Variants in ASPRV1 observed in about 807,000 individuals in gnomAD.
The protein encoded by ASPRV1 is retroviral-like aspartic protease 1.
In ASPRV1, 7 loss-of-function variants were observed where a neutral mutation model predicts 11.0. The ratio of observed to expected loss-of-function variants is 0.64; its 90% confidence interval spans 0.36 to 1.20. The LOEUF is 1.20. Among genes scored for constraint, ASPRV1 ranks in the 50% most tolerant of loss-of-function variants. The probability of loss-of-function intolerance (pLI) is 0.02; values close to 1 mark genes in which losing one functional copy is unlikely to be tolerated. For missense variants in ASPRV1, 299 were observed against 320.0 expected (o/e 0.93, Z 0.50); for synonymous variants, 136 against 138.4 (o/e 0.98, Z 0.12).
At chr2:70,030,057 T>A in the ASPRV1 span, 1 of 152,188 alleles carries the variant, frequency 6.6e-6, no homozygotes, top group Non-Finnish European at 1.5e-5. Context: ...ATTGCTGACT[T>A]GAAAAACTAT....
chr2:70,046,252 A>T, the ASPRV1 span: 8 of 152,210 alleles, frequency 5.3e-5, no homozygotes, highest in Non-Finnish European at 1.2e-4. Flanking sequence ...TTTGGACTCA[A>T]GCAACAGGAT....
In ASPRV1 at chr2:69,960,241, C is replaced by G. The variant is rs1031927558; in HGVS notation, c.*416G>C. On this transcript the variant is annotated 3_prime_UTR_variant, in exon 1 of 1. Coordinates refer to ENST00000320256, the MANE Select transcript of ASPRV1 (RefSeq NM_152792.4). ...TGTCCCAGAGCAACTGTGACCCTCA[C>G]AAAGACCCTGCAGCTAGGACCCAGC... The G allele has an allele frequency of 1.1e-5, 2 of 180,888 alleles. No individual in the cohort carries two copies. The highest frequency in any genetic ancestry group is 1.4e-4 in the East Asian group (1 of 7,068). The allele number at this position is 180,888 out of a possible 1,614,324, so 11.2% of individuals were successfully genotyped here.
chr2:69,961,782 C>T, upstream of ASPRV1: 1 of 1,368,386 alleles, frequency 7.3e-7, no homozygotes. Context: ...CCTCTGCATC[C>T]ATCCTTGGAC....
chr2:70,019,687 C>T, the ASPRV1 span, among the ~76,000 whole-genome samples: 1 of 152,100 alleles, frequency 6.6e-6, no homozygotes, highest in African/African-American at 2.4e-5. Flanking sequence ...CACATGACCT[C>T]ACTTATATAT....
the ASPRV1 span, among the ~76,000 whole-genome samples, chr2:70,001,089 G>A: frequency 6.6e-6 from 1 of 151,870 alleles, no homozygotes; most frequent in Non-Finnish European, 1.5e-5. Flanking sequence ...ATCCTTCCTG[G>A]AAGGCAATTT....
At chr2:70,029,658 T>C in the ASPRV1 span, among the ~76,000 whole-genome samples, 27 of 151,984 alleles carry the variant, frequency 1.8e-4, no homozygotes, top group Admixed American at 3.3e-4. Flanking sequence ...CAAAACAAAA[T>C]AGGAGTCCTG....
chr2:70,076,380 A>C, the ASPRV1 span, among the ~76,000 whole-genome samples: 1 of 152,210 alleles, frequency 6.6e-6, no homozygotes, highest in Non-Finnish European at 1.5e-5. Flanking sequence ...GCCTTTGTTT[A>C]TCCATCTTTT....
At chr2:70,066,916 C>T in the ASPRV1 span, among the ~76,000 whole-genome samples, 2,689 of 152,164 alleles carry the variant, frequency 0.018, 96 homozygotes, top group African/African-American at 0.061. Context: ...GAAGATCACT[C>T]TGGCTGTAGT....
chr2:69,966,055 G>A (rs183609276), upstream of ASPRV1, among the ~76,000 whole-genome samples: 4 of 152,320 alleles, frequency 2.6e-5, no homozygotes, highest in East Asian at 7.7e-4. Flanking sequence ...GCAGCAAAAT[G>A]CTTAATGCAA....
chr2:70,047,846 C>T, the ASPRV1 span, among the ~76,000 whole-genome samples: 1 of 152,154 alleles, frequency 6.6e-6, no homozygotes, highest in African/African-American at 2.4e-5. Context: ...CGTGGTGACT[C>T]ATGCCTGTAA....
chr2:70,086,561 A>C, the ASPRV1 span: 1 of 152,196 alleles, frequency 6.6e-6, no homozygotes, highest in Non-Finnish European at 1.5e-5. Flanking sequence ...TGGGCCCGAA[A>C]AGCAGCCGCG....
At chr2:69,968,014 G>A in the ASPRV1 span, among the ~76,000 whole-genome samples, 8 of 152,206 alleles carry the variant, frequency 5.3e-5, no homozygotes, top group South Asian at 1.5e-3. Flanking sequence ...CCCAGAAGGC[G>A]AAGGTTGCAG....
the ASPRV1 span, among the ~76,000 whole-genome samples, chr2:70,079,054 A>C: frequency 1.3e-5 from 2 of 152,236 alleles, no homozygotes; most frequent in Non-Finnish European, 2.9e-5. Flanking sequence ...CAATACACAG[A>C]TGAATAGCAA....
the ASPRV1 span, chr2:69,939,925 C>T: frequency 6.6e-6 from 1 of 152,448 alleles, no homozygotes; most frequent in Non-Finnish European, 1.5e-5. Context: ...AAACGCACTC[C>T]ACACGGAAGC....
chr2:69,996,259 G>GCACACACCTGTGGTCC, the ASPRV1 span, among the ~76,000 whole-genome samples: 1 of 150,662 alleles, frequency 6.6e-6, no homozygotes, highest in African/African-American at 2.4e-5. Flanking sequence ...GGGTGTGGTG[G>GCACACACCTGTGGTCC]CACACACCTG....
At chr2:69,954,880 G>C in the ASPRV1 span, among the ~76,000 whole-genome samples, 1 of 152,152 alleles carries the variant, frequency 6.6e-6, no homozygotes, top group African/African-American at 2.4e-5. Flanking sequence ...CTAGTGCAGG[G>C]AGAGGCTCTG....
the ASPRV1 span, among the ~76,000 whole-genome samples, chr2:69,953,425 C>T: frequency 6.6e-6 from 1 of 152,356 alleles, no homozygotes; most frequent in South Asian, 2.1e-4. Flanking sequence ...TAAGACGGGG[C>T]CTCCTTGTGC....
chr2:70,009,839 G>C, the ASPRV1 span, among the ~76,000 whole-genome samples: 1 of 152,214 alleles, frequency 6.6e-6, no homozygotes, highest in Non-Finnish European at 1.5e-5. Flanking sequence ...GCGTTCAACA[G>C]CAAGAACTGA....
At chr2:70,056,591 C>G in the ASPRV1 span, 1 of 85,272 alleles carries the variant, frequency 1.2e-5, no homozygotes, top group Admixed American at 2.6e-4. Context: ...GGCGACAGAG[C>G]GAGACTCCGT....
Sources: gnomAD v4.1 joint callset for allele counts (sites outside exome capture counted in the v4.1 genomes callset) on GRCh38, gnomAD v4.1.1 for gene constraint, MANE v1.5 for transcripts, NCBI Gene and HGNC (gene_info 2026-07-23, HGNC 2026-07-21) for gene names.